Variants in CCDC43 observed in about 807,000 individuals in gnomAD.
The protein encoded by CCDC43 is coiled-coil domain-containing protein 43.
A neutral mutation model predicts 33.3 loss-of-function variants in CCDC43; 20 were observed. That is an observed-to-expected ratio of 0.60 (90% CI 0.42 to 0.87). The LOEUF is 0.87. Among genes scored for constraint, CCDC43 ranks in the 40% least tolerant of loss-of-function variants. The pLI is 0.00. For missense variants in CCDC43, 248 were observed against 269.9 expected, an observed-to-expected ratio of 0.92 and a Z score of 0.57; for synonymous variants, 104 against 106.5, an observed-to-expected ratio of 0.98 and a Z score of 0.14.
chr17:44,678,883 CCTT>C lies in CCDC43; in HGVS notation c.645_647del (p.Arg216del). On this transcript the variant is annotated inframe_deletion, in exon 5 of 5. Transcript: ENST00000315286. ...ATCGCTTTCGCTCCCCTCTCTGTGTCCTTTTTTTTTCCTTTTCCTTGCGCTCCT... is the reference window on the plus strand; with the variant it reads ...ATCGCTTTCGCTCCCCTCTCTGTGTCTTTTTTTCCTTTTCCTTGCGCTCCT... 6.2e-7 allele frequency: 1 copy of C among 1,613,764 alleles called. No homozygotes were observed. The highest frequency in any genetic ancestry group is 1.3e-5 in the African/African-American group (1 of 74,984).
At chr17:44,679,576 TAC>T (rs1322103464) in intron 4 of CCDC43, among the ~76,000 whole-genome samples, 1 of 152,204 alleles carries the variant, frequency 6.6e-6, no homozygotes, top group Admixed American at 6.5e-5. Context: ...CTAATAACCA[TAC>T]ACACTGAATC....
chr17:44,678,543 A>ATCC lies in CCDC43; in HGVS notation c.*310_*312dup, dbSNP rs977297885. On this transcript the variant is annotated 3_prime_UTR_variant, in exon 5 of 5. Transcript: ENST00000315286. ...AGAATGAAAACTGTTAGCTTTCTGA[A>ATCC]TCCTATTTATCCAAGGTGAGGGAAG... 4.4e-4 allele frequency: 102 copies of ATCC among 230,142 alleles called. No individual in the cohort carries two copies. Among genetic ancestry groups the ATCC allele is most frequent in the African/African-American group, 2.0e-3 (90 of 44,242 alleles). The allele number at this position is 230,142 out of a possible 1,614,324, so 14.3% of individuals were successfully genotyped here. A position where few individuals can be genotyped will look rare whatever the true frequency, so the allele number is the denominator to read the frequency against.
At chr17:44,680,473 A>G (rs901368952) in intron 4 of CCDC43, 112 bp downstream of exon 4, 7 of 738,848 alleles carry the variant, frequency 9.5e-6, no homozygotes, top group Non-Finnish European at 1.7e-5. Context: ...CAATGTTAGC[A>G]TGACATGAGT....
At chr17:44,687,914 C>G (rs896976909) in intron 1 of CCDC43, 15 of 152,278 alleles carry the variant, frequency 9.9e-5, no homozygotes, top group African/African-American at 3.6e-4. Context: ...GCCAATCTTG[C>G]CAGAAGAGGC....
intron 2 of CCDC43, 118 bp downstream of exon 2, chr17:44,683,754 A>C: frequency 1.4e-6 from 1 of 691,444 alleles, no homozygotes; most frequent in East Asian, 2.7e-5. Context: ...GCCAGTGTAC[A>C]CTATCTTCGG....
At position 44,688,112 on chromosome 17, in the gene CCDC43, A is replaced by C. The variant is rs149512779; in HGVS notation, c.204+1438T>G. The C allele has an allele frequency of 1.5e-4, 23 of 152,326 alleles. No individual in the cohort carries two copies. The East Asian group carries it at 4.4e-3, about 29-fold the overall frequency. 9.4% of individuals were successfully genotyped at this position (152,326 alleles called of 1,614,324 possible). A position where few individuals can be genotyped will look rare whatever the true frequency, so the allele number is the denominator to read the frequency against. ...TTCTGCCTTCTACCCTTTTAAAAAA[A>C]TGAGATATGAATATGTACATTTATA... is the stretch of plus-strand genomic sequence containing the variant. On this transcript the variant is annotated intron_variant, in intron 1 of 4. Coordinates refer to ENST00000315286, the MANE Select transcript of CCDC43 (RefSeq NM_144609.3).
intron 4 of CCDC43, among the ~76,000 whole-genome samples, chr17:44,680,047 G>A (rs998228221): frequency 5.9e-5 from 9 of 151,532 alleles, no homozygotes; most frequent in Non-Finnish European, 8.8e-5. Context: ...GCAAGATCTC[G>A]GCTCACTGCA....
intron 4 of CCDC43, among the ~76,000 whole-genome samples, chr17:44,679,978 T>C (rs1407766370): frequency 2.0e-5 from 3 of 152,054 alleles, no homozygotes; most frequent in Non-Finnish European, 4.4e-5. Context: ...AATTTCAACA[T>C]TATTTTATTA....
At chr17:44,679,319 A>T (rs1268709739) in intron 4 of CCDC43, among the ~76,000 whole-genome samples, 1 of 152,064 alleles carries the variant, frequency 6.6e-6, no homozygotes, top group African/African-American at 2.4e-5. Flanking sequence ...ACAAAAAAAT[A>T]AGAAAACAAA....
intron 4 of CCDC43, among the ~76,000 whole-genome samples, chr17:44,679,514 T>C (rs571993414): frequency 6.6e-6 from 1 of 152,202 alleles, no homozygotes; most frequent in East Asian, 1.9e-4. Flanking sequence ...TATTAAACTT[T>C]ATCAATTTGC....
At chr17:44,686,924 C>T (rs1256749475) in intron 1 of CCDC43, among the ~76,000 whole-genome samples, 1 of 152,108 alleles carries the variant, frequency 6.6e-6, no homozygotes, top group Non-Finnish European at 1.5e-5. Flanking sequence ...TTATTTGCTC[C>T]TAACTATATG....
Position 44,678,967 on chromosome 17 carries a change from G to A in CCDC43, c.564C>T (p.Ser188=), listed in dbSNP as rs1972116448. ...GCTTGTCCTGTTCCTTCTTCCTTTG[G>A]GATTCATCCCGAAGTGAGTCTCGCT... ...KLERDSLRDE[S]QRKKEQDKLQ... is the part of the protein sequence containing the mutation. The change falls in exon 5 of 5, where the codon TCC becomes TCT. Residue 188 remains serine, a synonymous_variant. Transcript: ENST00000315286. The A allele has an allele frequency of 6.2e-7, 1 of 1,613,266 alleles. No homozygotes were observed. The highest frequency in any genetic ancestry group is 1.3e-5 in the African/African-American group (1 of 74,684).
At chr17:44,680,959 T>C (rs1274495389) in intron 3 of CCDC43, among the ~76,000 whole-genome samples, 1 of 152,176 alleles carries the variant, frequency 6.6e-6, no homozygotes, top group East Asian at 1.9e-4. Flanking sequence ...AGGAATATAT[T>C]AGAAATACAC....
chr17:44,679,070 A>G, intron 4 of CCDC43, 27 bp from the exon 5 acceptor site: 1 of 1,580,926 alleles, frequency 6.3e-7, no homozygotes, highest in Non-Finnish European at 8.7e-7. Flanking sequence ...GGATTAGGGT[A>G]CAGGTCACAC....
intron 3 of CCDC43, among the ~76,000 whole-genome samples, chr17:44,681,084 A>G (rs1414669598): frequency 2.0e-5 from 3 of 152,206 alleles, no homozygotes; most frequent in Non-Finnish European, 2.9e-5. Flanking sequence ...GCCCAAGATG[A>G]GAAATTATGT....
chr17:44,684,843 C>T (rs922003653), intron 1 of CCDC43, among the ~76,000 whole-genome samples: 59 of 152,084 alleles, frequency 3.9e-4, no homozygotes, highest in African/African-American at 1.3e-3. Context: ...TGTAGTGGTG[C>T]AATCACAGCT....
rs765865138 is a variant in CCDC43 at position 44,683,929 on chromosome 17, C to T, written c.235G>A (p.Glu79Lys). Residue 79 changes from glutamate to lysine, a missense_variant, in exon 2 of 5, where the codon GAG (glutamate) becomes AAG (lysine). By Grantham distance (56) the Glu-to-Lys change is moderately conservative (BLOSUM62 1). Coordinates refer to ENST00000315286, the MANE Select transcript of CCDC43 (RefSeq NM_144609.3). ...EEDSLLNICKEIVERWSETQN... is the reference protein window; with the variant it reads ...EEDSLLNICKKIVERWSETQN... Reference sequence around the variant, plus strand: ...GTTTCTGACCATCGTTCCACAATCTCCTTGCAGATATTAAGGAGGGAATCT... The same window carrying T: ...GTTTCTGACCATCGTTCCACAATCTTCTTGCAGATATTAAGGAGGGAATCT... 2.5e-6 allele frequency: 4 copies of T among 1,613,156 alleles called. No homozygotes were observed. The South Asian group carries it at 3.3e-5, about 13-fold the overall frequency.
At chr17:44,686,366 G>C (rs1298956378) in intron 1 of CCDC43, among the ~76,000 whole-genome samples, 1 of 152,162 alleles carries the variant, frequency 6.6e-6, no homozygotes, top group Non-Finnish European at 1.5e-5. Context: ...CCTTGGTCCA[G>C]AGTTTCAATA....
At chr17:44,688,468 A>G (rs1233151529) in intron 1 of CCDC43, among the ~76,000 whole-genome samples, 1 of 152,138 alleles carries the variant, frequency 6.6e-6, no homozygotes, top group Non-Finnish European at 1.5e-5. Context: ...GTACATTTTG[A>G]TTCTATTACT....
Sources: allele counts gnomAD v4.1 joint callset (sites outside exome capture counted in the v4.1 genomes callset), GRCh38; gene constraint gnomAD v4.1.1; transcripts MANE v1.5; gene names NCBI Gene and HGNC (gene_info 2026-07-23, HGNC 2026-07-21).